The following KCNK1 variants were observed in gnomAD, a reference collection of about 807,000 sequenced individuals.
The protein encoded by KCNK1 is potassium channel subfamily K member 1.
KCNK1 carries 10 observed loss-of-function variants against 22.2 expected under a neutral mutation model. That is an observed-to-expected ratio of 0.45 (90% CI 0.28 to 0.76). KCNK1 has a LOEUF of 0.76. Among genes scored for constraint, KCNK1 ranks in the 30% least tolerant of loss-of-function variants. The probability of loss-of-function intolerance (pLI) is 0.14; values close to 1 mark genes in which losing one functional copy is unlikely to be tolerated. For synonymous variants in KCNK1, 200 were observed against 186.4 expected, an observed-to-expected ratio of 1.07 and a Z score of -0.60; for missense variants, 378 against 421.0, an observed-to-expected ratio of 0.90 and a Z score of 0.89.
rs533833044 is a variant in KCNK1 at position 233,665,057 on chromosome 1, A to C, written c.356-1538A>C. Among the ~76,000 whole-genome samples the C allele has an allele frequency of 2.0e-5, 3 of 152,342 alleles. No individual in the cohort carries two copies. In the South Asian group the frequency reaches 6.2e-4, roughly 32 times the overall value. On this transcript the variant is annotated intron_variant, in intron 1 of 2. Transcript: ENST00000366621. Reference sequence around the variant, plus strand: ...TGGTTGGATGAAGAGTCCCCTGATTAGCTAGATTTGGGAAAAACTTCAACC... The same window carrying C: ...TGGTTGGATGAAGAGTCCCCTGATTCGCTAGATTTGGGAAAAACTTCAACC...
At chr1:233,654,610 G>A (rs1279394520) in intron 1 of KCNK1, among the ~76,000 whole-genome samples, 3 of 152,152 alleles carry the variant, frequency 2.0e-5, no homozygotes, top group African/African-American at 7.2e-5. Flanking sequence ...TCTCACCCTA[G>A]CCATATTATG....
intron 1 of KCNK1, among the ~76,000 whole-genome samples, chr1:233,626,443 G>A (rs1020933412): frequency 5.3e-5 from 8 of 152,106 alleles, no homozygotes; most frequent in Admixed American, 3.9e-4. Context: ...AACCCTAATG[G>A]GGCGTGATGA....
At chr1:233,648,271 G>C (rs1337753614) in intron 1 of KCNK1, among the ~76,000 whole-genome samples, 1 of 152,100 alleles carries the variant, frequency 6.6e-6, no homozygotes, top group Non-Finnish European at 1.5e-5. Flanking sequence ...GTGTTCCTAT[G>C]TCCATATTTC....
rs1658609356 is a variant in KCNK1, at chr1:233,672,011, T to A, written c.*481T>A. On this transcript the variant is annotated 3_prime_UTR_variant, in exon 3 of 3. Coordinates refer to ENST00000366621, the MANE Select transcript of KCNK1 (RefSeq NM_002245.4). ...ACCCAAAATGATTATTTTTGTAGAA[T>A]CTAAGTTAAACTTACTATTTATAAT... 1 of 163,040 alleles carries A rather than the reference T, an allele frequency of 6.1e-6. No individual in the cohort carries two copies. Among genetic ancestry groups the A allele is most frequent in the Admixed American group, 5.8e-5 (1 of 17,320 alleles). 10.1% of individuals were successfully genotyped at this position (163,040 alleles called of 1,614,324 possible).
rs368326926 is a variant in KCNK1 at position 233,667,416 on chromosome 1, G to A, written c.751+426G>A. ...CGAATTTCTTACTAATAATGTAGGC[G>A]TTATAAATGACAGTGTAAAAATACA... On this transcript the variant is annotated intron_variant, in intron 2 of 2. Transcript: ENST00000366621. 4.9e-4 allele frequency among the ~76,000 whole-genome samples: 74 copies of A among 152,204 alleles called. 1 individual carries two copies. The highest frequency in any genetic ancestry group is 1.5e-3 in the African/African-American group (63 of 41,528).
chr1:233,626,482 G>A (rs1433495792), intron 1 of KCNK1, among the ~76,000 whole-genome samples: 2 of 152,120 alleles, frequency 1.3e-5, no homozygotes, highest in Admixed American at 6.5e-5. Context: ...AGGTGACAGT[G>A]CCTTCTGTTG....
Position 233,656,237 on chromosome 1 carries a change from T to C in KCNK1, c.356-10358T>C, listed in dbSNP as rs533210212. Among the ~76,000 whole-genome samples, 4 of 152,320 alleles carry C rather than the reference T, an allele frequency of 2.6e-5. No individual in the cohort carries two copies. In the South Asian group the frequency reaches 8.3e-4, roughly 32 times the overall value. ...TCTCCGGTGTGAACTGAAAATGCTC[T>C]CTCTGAAGAACAAAGAGAAGGTTAG... On this transcript the variant is annotated intron_variant, in intron 1 of 2. Transcript: ENST00000366621.
rs1406934571 is a variant in KCNK1 at position 233,614,256 on chromosome 1, G to A, written c.85G>A (p.Gly29Ser). Residue 29 changes from glycine to serine, a missense_variant, in exon 1 of 3, where the codon GGC becomes AGC. Coordinates refer to ENST00000366621, the MANE Select transcript of KCNK1 (RefSeq NM_002245.4). The stretch of plus-strand genomic sequence containing the variant: ...CTGGTGCTTCGGCTTCCTGGTGCTG[G>A]GCTACTTGCTCTACCTGGTCTTCGG... ...SAWCFGFLVLGYLLYLVFGAV... is the reference protein window; with the variant it reads ...SAWCFGFLVLSYLLYLVFGAV... The A allele has an allele frequency of 1.2e-6, 2 of 1,613,250 alleles. No individual in the cohort carries two copies. Among genetic ancestry groups the A allele is most frequent in the Non-Finnish European group, 1.7e-6 (2 of 1,179,922 alleles).
chr1:233,620,973 G>A lies in KCNK1; in HGVS notation c.355+6447G>A, dbSNP rs560935801. 1.5e-3 allele frequency among the ~76,000 whole-genome samples: 226 copies of A among 152,258 alleles called. 1 individual carries two copies. The highest frequency in any genetic ancestry group is 5.2e-3 in the African/African-American group (218 of 41,538). Reference sequence around the variant, plus strand: ...GGTATCATTGTCTTCACTTTACAGAGGATGAAACGGAAATTAATAGGTTGA... The same window carrying A: ...GGTATCATTGTCTTCACTTTACAGAAGATGAAACGGAAATTAATAGGTTGA... On this transcript the variant is annotated intron_variant, in intron 1 of 2. Coordinates refer to ENST00000366621, the MANE Select transcript of KCNK1 (RefSeq NM_002245.4).
At chr1:233,650,814 C>A (rs12066992) in intron 1 of KCNK1, among the ~76,000 whole-genome samples, 5,595 of 137,920 alleles carry the variant, frequency 0.041, 348 homozygotes, top group African/African-American at 0.14. Context: ...AAAAAAAAAA[C>A]TGTTGACTTC....
intron 1 of KCNK1, among the ~76,000 whole-genome samples, chr1:233,618,366 A>G (rs1401159865): frequency 5.3e-5 from 8 of 150,758 alleles, no homozygotes; most frequent in Non-Finnish European, 1.2e-4. Flanking sequence ...AGAATTTCCC[A>G]CAGAACTTCT....
chr1:233,650,097 C>G, intron 1 of KCNK1: 1 of 525,882 alleles, frequency 1.9e-6, no homozygotes, highest in Non-Finnish European at 3.9e-6. Flanking sequence ...TAGAAGAGAA[C>G]TTTTAGGAGA....
At chr1:233,637,521 T>C (rs1421169126) in intron 1 of KCNK1, 1 of 152,240 alleles carries the variant, frequency 6.6e-6, no homozygotes, top group East Asian at 1.9e-4. Context: ...TTCACCATCC[T>C]TTCTTTCAAG....
chr1:233,650,767 C>T (rs923800900), intron 1 of KCNK1, among the ~76,000 whole-genome samples: 4 of 150,518 alleles, frequency 2.7e-5, no homozygotes, highest in African/African-American at 7.3e-5. Flanking sequence ...TTCCTCAGCC[C>T]GTTCCCCTAA....
chr1:233,652,384 C>T lies in KCNK1; in HGVS notation c.356-14211C>T, dbSNP rs1318221456. 2.0e-5 allele frequency among the ~76,000 whole-genome samples: 3 copies of T among 152,090 alleles called. No individual in the cohort carries two copies. In the East Asian group the frequency reaches 5.8e-4, roughly 29 times the overall value. On this transcript the variant is annotated intron_variant, in intron 1 of 2. Transcript: ENST00000366621. ...AGGCCAGACATAATAGATTGATAAA[C>T]CCATGGTTCAAATCCTGCCCCCATC...
intron 1 of KCNK1, among the ~76,000 whole-genome samples, chr1:233,657,190 A>G (rs1480761532): frequency 2.0e-5 from 3 of 152,106 alleles, no homozygotes; most frequent in African/African-American, 2.4e-5. Context: ...GAGGGGGACA[A>G]ATCCACCTTT....
intron 1 of KCNK1, among the ~76,000 whole-genome samples, chr1:233,616,274 T>A (rs2102879006): frequency 6.6e-6 from 1 of 152,328 alleles, no homozygotes; most frequent in East Asian, 1.9e-4. Context: ...ATTGTGAGGA[T>A]AGAACAAGAA....
chr1:233,626,416 A>G (rs994247733), intron 1 of KCNK1, among the ~76,000 whole-genome samples: 2 of 152,106 alleles, frequency 1.3e-5, no homozygotes, highest in African/African-American at 2.4e-5. Context: ...GGATCTATCT[A>G]CACAAGGCAC....
At chr1:233,631,907 G>T (rs534111532) in intron 1 of KCNK1, among the ~76,000 whole-genome samples, 1 of 152,286 alleles carries the variant, frequency 6.6e-6, no homozygotes, top group East Asian at 1.9e-4. Context: ...TGTCTTCTAG[G>T]TTGGTCCTCT....
Sources: allele counts gnomAD v4.1 joint callset (sites outside exome capture counted in the v4.1 genomes callset), GRCh38; gene constraint gnomAD v4.1.1; transcripts MANE v1.5; gene names NCBI Gene and HGNC (gene_info 2026-07-23, HGNC 2026-07-21).